The following BTBD8 variants were observed in gnomAD, a reference collection of about 807,000 sequenced individuals.
BTBD8 encodes BTB domain containing 8, also known as BTB/POZ domain-containing protein 8.
Under a neutral mutation model 162.9 loss-of-function variants are expected in BTBD8, and 110 were observed. The observed-to-expected ratio is 0.68, with a 90% CI of 0.58 to 0.79. BTBD8 has a LOEUF of 0.79. BTBD8 is among the 30% of genes least tolerant of loss of function. The pLI is 0.00. For synonymous variants in BTBD8, 667 were observed against 716.1 expected (o/e 0.93, Z 1.10); for missense variants, 1,905 against 2,085.4 (o/e 0.91, Z 1.68).
chr1:92,169,691 T>C (rs1446259658), intron 12 of BTBD8, among the ~76,000 whole-genome samples: 2 of 152,236 alleles, frequency 1.3e-5, no homozygotes, highest in East Asian at 3.8e-4. Flanking sequence ...GTGTATACTT[T>C]TTAAAACATT....
At position 92,080,547 on chromosome 1, in the gene BTBD8, C is replaced by G; in HGVS notation, c.-25C>G. ...GCAAGTGAGGCCAAGTACTGGGCCT[C>G]CAGGGCGTCGTACCTCTGTGAGACA... On this transcript the variant is annotated 5_prime_UTR_variant, in exon 1 of 18. Coordinates refer to ENST00000636805, the MANE Select transcript of BTBD8 (RefSeq NM_001376131.1). The G allele has an allele frequency of 6.2e-7, 1 of 1,612,018 alleles. No individual in the cohort carries two copies. Among genetic ancestry groups the G allele is most frequent in the African/African-American group, 1.3e-5 (1 of 74,926 alleles).
At chr1:92,098,398 A>AT (rs975926095) in intron 2 of BTBD8, among the ~76,000 whole-genome samples, 4 of 152,110 alleles carry the variant, frequency 2.6e-5, no homozygotes, top group African/African-American at 9.7e-5. Flanking sequence ...TTATATATAA[A>AT]TTTTTTGTGG....
rs777429479 is a variant in BTBD8, at chr1:92,129,785, A to G, written c.752+9A>G. The G allele has an allele frequency of 9.3e-6, 15 of 1,605,254 alleles. No individual in the cohort carries two copies. The highest frequency in any genetic ancestry group is 1.3e-5 in the Non-Finnish European group (15 of 1,172,216). On this transcript the variant is annotated intron_variant, in intron 5 of 17. Transcript: ENST00000636805. ...TACGTTACTCTTCAAGGGTAAGCAT[A>G]TTTTTACAGGGCCATTTGACTGCAA... is the stretch of plus-strand genomic sequence containing the variant.
chr1:92,124,459 G>A (rs933298967), intron 4 of BTBD8, among the ~76,000 whole-genome samples: 12 of 152,160 alleles, frequency 7.9e-5, no homozygotes, highest in African/African-American at 2.2e-4. Flanking sequence ...TTAGAATAGT[G>A]CGGAGCACAG....
intron 7 of BTBD8, among the ~76,000 whole-genome samples, chr1:92,144,440 A>G (rs1649859348): frequency 6.6e-6 from 1 of 151,970 alleles, no homozygotes; most frequent in South Asian, 2.1e-4. Context: ...TGCCTTTTAC[A>G]CAATTAAACA....
At chr1:92,117,932 A>T (rs1221207139) in intron 4 of BTBD8, among the ~76,000 whole-genome samples, 1 of 152,012 alleles carries the variant, frequency 6.6e-6, no homozygotes, top group African/African-American at 2.4e-5. Context: ...TCTAATTATT[A>T]AATGGAAGGT....
chr1:92,182,383 A>G lies in BTBD8; in HGVS notation c.4700A>G (p.Gln1567Arg). 6.5e-7 allele frequency: 1 copy of G among 1,549,774 alleles called. No homozygotes were observed. The highest frequency in any genetic ancestry group is 1.4e-5 in the African/African-American group (1 of 73,010). ...GGAAGCAATGTGGAAAATGACATTC[A>G]GCAACGCAGCAAATTCTTGGATAGT... ...NNGSNVENDI[Q>R]QRSKFLDSDV... The change falls in exon 17 of 18, where the codon CAG (glutamine) becomes CGG (arginine). Residue 1567 changes from glutamine (Q) to arginine (R), a missense_variant. Coordinates refer to ENST00000636805, the MANE Select transcript of BTBD8 (RefSeq NM_001376131.1).
intron 16 of BTBD8, among the ~76,000 whole-genome samples, chr1:92,179,063 T>C (rs1056317144): frequency 1.3e-5 from 2 of 152,074 alleles, no homozygotes; most frequent in African/African-American, 4.8e-5. Context: ...CTGACCAATA[T>C]GGTGAAACCC....
intron 9 of BTBD8, among the ~76,000 whole-genome samples, chr1:92,163,897 A>G (rs952305098): frequency 1.3e-5 from 2 of 152,150 alleles, no homozygotes; most frequent in Non-Finnish European, 2.9e-5. Context: ...ATTATACTCT[A>G]TATCTGTGGT....
chr1:92,108,382 G>C (rs1648799039), intron 4 of BTBD8, among the ~76,000 whole-genome samples: 1 of 152,144 alleles, frequency 6.6e-6, no homozygotes. Context: ...GTTAAATGCA[G>C]TTTTTAATTT....
chr1:92,175,477 C>CAAACA (rs1650685627), intron 13 of BTBD8, among the ~76,000 whole-genome samples: 1 of 37,438 alleles, frequency 2.7e-5, no homozygotes, highest in Non-Finnish European at 4.7e-5. Context: ...GACTCCATCT[C>CAAACA]AAAAAAAAAA....
At position 92,111,430 on chromosome 1, in the gene BTBD8, T is replaced by A. The variant is rs532319113; in HGVS notation, c.662+3429T>A. Reference sequence around the variant, plus strand: ...ATGTCAAATCTTCCTTTAATATCTCTCTGAATATTTAGTAAATTGGCACTG... The same window carrying A: ...ATGTCAAATCTTCCTTTAATATCTCACTGAATATTTAGTAAATTGGCACTG... On this transcript the variant is annotated intron_variant, in intron 4 of 17. Coordinates refer to ENST00000636805, the MANE Select transcript of BTBD8 (RefSeq NM_001376131.1). Among the ~76,000 whole-genome samples, 6 of 152,232 alleles carry A rather than the reference T, an allele frequency of 3.9e-5. No individual in the cohort carries two copies. In the East Asian group the frequency reaches 1.2e-3, roughly 29 times the overall value.
At position 92,119,899 on chromosome 1, in the gene BTBD8, T is replaced by C. The variant is rs1400766889; in HGVS notation, c.663-9788T>C. On this transcript the variant is annotated intron_variant, in intron 4 of 17. Coordinates refer to ENST00000636805, the MANE Select transcript of BTBD8 (RefSeq NM_001376131.1). Reference sequence around the variant, plus strand: ...CACTGCACCCGGCCCTTTTCTTTTTTTTTTTTTTTTTTTTTTTTTGAGACG... The same window carrying C: ...CACTGCACCCGGCCCTTTTCTTTTTCTTTTTTTTTTTTTTTTTTTGAGACG... 3.2e-3 allele frequency among the ~76,000 whole-genome samples: 386 copies of C among 119,320 alleles called. 1 individual carries two copies. The highest frequency in any genetic ancestry group is 0.013 in the African/African-American group (318 of 25,410). The allele number at this position is 119,320 out of a possible 152,430, so 78.3% of individuals were successfully genotyped here. A position where few individuals can be genotyped will look rare whatever the true frequency, so the allele number is the denominator to read the frequency against.
At chr1:92,125,665 TATAAG>T in intron 4 of BTBD8, 1 of 337,254 alleles carries the variant, frequency 3.0e-6, no homozygotes, top group Admixed American at 3.9e-5. Flanking sequence ...ACCAAAAGAT[TATAAG>T]ATTATACCAA....
chr1:92,163,398 T>C (rs1387580440), intron 9 of BTBD8, among the ~76,000 whole-genome samples: 2 of 123,142 alleles, frequency 1.6e-5, no homozygotes, highest in Non-Finnish European at 3.3e-5. Context: ...AGATACAGAG[T>C]ACTGTGCATA....
intron 1 of BTBD8, 67 bp from the exon 2 acceptor site, chr1:92,088,631 T>C (rs988050636): frequency 3.6e-5 from 45 of 1,266,426 alleles, no homozygotes; most frequent in Admixed American, 1.3e-4. Flanking sequence ...TAAACCTACT[T>C]TATAAAAATA....
Position 92,184,358 on chromosome 1 carries a change from C to A in BTBD8, c.*28C>A. ...GTTAACATTTTGGAAAAATTTATGC[C>A]ACTCCTTTATTTTTTGATGCCTATA... On this transcript the variant is annotated 3_prime_UTR_variant, in exon 18 of 18. Transcript: ENST00000636805. 1 of 1,415,778 alleles carries A rather than the reference C, an allele frequency of 7.1e-7. No individual in the cohort carries two copies. Among genetic ancestry groups the A allele is most frequent in the Non-Finnish European group, 9.5e-7 (1 of 1,047,890 alleles). The allele number at this position is 1,415,778 out of a possible 1,614,324, so 87.7% of individuals were successfully genotyped here. A position where few individuals can be genotyped will look rare whatever the true frequency, so the allele number is the denominator to read the frequency against.
chr1:92,180,390 AAG>A lies in BTBD8; in HGVS notation c.2708_2709del (p.Lys903ThrfsTer8). 6.4e-7 allele frequency: 1 copy of A among 1,551,658 alleles called. No individual in the cohort carries two copies. On this transcript the variant is annotated frameshift_variant, in exon 17 of 18. Coordinates refer to ENST00000636805, the MANE Select transcript of BTBD8 (RefSeq NM_001376131.1). LOFTEE classifies it high-confidence loss of function. ...EKQAPKRKMV[K>X]QVHTALPKVN... Reference sequence around the variant, plus strand: ...ACAAGCACCTAAGAGAAAAATGGTCAAGCAAGTACACACAGCTTTGCCTAAGG... The same window carrying A: ...ACAAGCACCTAAGAGAAAAATGGTCACAAGTACACACAGCTTTGCCTAAGG...
intron 9 of BTBD8, among the ~76,000 whole-genome samples, chr1:92,163,354 C>CAAAA (rs34760395): frequency 4.9e-5 from 1 of 20,400 alleles, no homozygotes; most frequent in African/African-American, 2.0e-4. Flanking sequence ...GATTCTGTCT[C>CAAAA]AAAAAAAAAA....
Sources: gnomAD v4.1 joint callset for allele counts (sites outside exome capture counted in the v4.1 genomes callset) on GRCh38, gnomAD v4.1.1 for gene constraint, MANE v1.5 for transcripts, NCBI Gene and HGNC (gene_info 2026-07-23, HGNC 2026-07-21) for gene names.